NFILZ: variants seen among roughly 807,000 people sequenced by gnomAD.
NFILZ encodes NFIL3 like protein.
At chr19:8,631,547 A>G (rs560805451) in intron 1 of NFILZ, among the ~76,000 whole-genome samples, 5 of 152,160 alleles carry the variant, frequency 3.3e-5, no homozygotes, top group African/African-American at 1.2e-4. Flanking sequence ...GGATTAGCTC[A>G]GTAGACAAAC....
intron 3 of NFILZ, among the ~76,000 whole-genome samples, chr19:8,639,712 T>G (rs1394238737): frequency 1.3e-5 from 2 of 152,122 alleles, no homozygotes; most frequent in South Asian, 2.1e-4. Flanking sequence ...CTGAAGGAGT[T>G]GTTGGAAGGA....
intron 1 of NFILZ, among the ~76,000 whole-genome samples, chr19:8,630,970 A>T (rs1555745465): frequency 6.6e-6 from 1 of 152,098 alleles, no homozygotes; most frequent in African/African-American, 2.4e-5. Context: ...GTTGCATGGA[A>T]CTGCGGCCAA....
intron 3 of NFILZ, among the ~76,000 whole-genome samples, chr19:8,637,105 C>T (rs1437420695): frequency 6.6e-6 from 1 of 152,114 alleles, no homozygotes; most frequent in Non-Finnish European, 1.5e-5. Context: ...TGTGGTGGCT[C>T]ATACCTGTAG....
chr19:8,661,063 TTCCCCCTCCCTC>T (rs2146160998), intron 3 of NFILZ, among the ~76,000 whole-genome samples: 3 of 71,292 alleles, frequency 4.2e-5, no homozygotes, highest in African/African-American at 1.6e-4. Context: ...CCTCCCTTCC[TTCCCCCTCCCTC>T]CCTTCCTTCC....
chr19:8,659,633 A>G (rs1411493143), intron 3 of NFILZ, among the ~76,000 whole-genome samples: 1 of 152,208 alleles, frequency 6.6e-6, no homozygotes. Flanking sequence ...TATGCATGGT[A>G]AAAAGATCCC....
chr19:8,641,111 T>C (rs1179662819), intron 3 of NFILZ, among the ~76,000 whole-genome samples: 2 of 152,204 alleles, frequency 1.3e-5, no homozygotes, highest in African/African-American at 4.8e-5. Flanking sequence ...CCAATGTTTC[T>C]TTCTCACGGC....
intron 3 of NFILZ, among the ~76,000 whole-genome samples, chr19:8,643,382 T>C (rs1366163760): frequency 6.6e-6 from 1 of 152,150 alleles, no homozygotes; most frequent in Non-Finnish European, 1.5e-5. Context: ...CTCTATGGGA[T>C]GTGATGGTTA....
chr19:8,648,016 CA>C (rs1318194204), intron 3 of NFILZ, among the ~76,000 whole-genome samples: 1 of 150,184 alleles, frequency 6.7e-6, no homozygotes, highest in African/African-American at 2.4e-5. Context: ...ACTAAAAATA[CA>C]AAAAAAATTA....
chr19:8,638,210 C>T (rs1167377287), intron 3 of NFILZ, among the ~76,000 whole-genome samples: 1 of 152,172 alleles, frequency 6.6e-6, no homozygotes, highest in Non-Finnish European at 1.5e-5. Flanking sequence ...CCGCGGTAAA[C>T]GCTAAGCCAG....
Position 8,677,779 on chromosome 19 carries a change from C to T in NFILZ, c.*144C>T, listed in dbSNP as rs2146176341. Among the ~76,000 whole-genome samples, 1 of 152,206 alleles carries T rather than the reference C, an allele frequency of 6.6e-6. No homozygotes were observed. On this transcript the variant is annotated 3_prime_UTR_variant, in exon 6 of 6. Coordinates refer to ENST00000691075, the MANE Select transcript of NFILZ (RefSeq NM_001378600.1). Reference sequence around the variant, plus strand: ...GGGGTGCCCTGGCTTGGAAGGTCCACTTCACAGCTTCCATACCAGACCTCC... The same window carrying T: ...GGGGTGCCCTGGCTTGGAAGGTCCATTTCACAGCTTCCATACCAGACCTCC...
At chr19:8,655,542 G>A (rs1555748242) in intron 3 of NFILZ, among the ~76,000 whole-genome samples, 1 of 152,172 alleles carries the variant, frequency 6.6e-6, no homozygotes, top group Non-Finnish European at 1.5e-5. Flanking sequence ...CTTTACGGAA[G>A]CGCCGGTGAC....
rs1225966135 is a variant in NFILZ at position 8,674,594 on chromosome 19, G to T, written c.-120G>T. 6.6e-6 allele frequency among the ~76,000 whole-genome samples: 1 copy of T among 151,344 alleles called. No individual in the cohort carries two copies. Among genetic ancestry groups the T allele is most frequent in the Non-Finnish European group, 1.5e-5 (1 of 67,976 alleles). On this transcript the variant is annotated 5_prime_UTR_variant, in exon 4 of 6. Transcript: ENST00000691075. Reference sequence around the variant, plus strand: ...ATGTACTTTGTGATTCTCCTATAAGGAATAAGGTATGCAATATTTCTCAAA... The same window carrying T: ...ATGTACTTTGTGATTCTCCTATAAGTAATAAGGTATGCAATATTTCTCAAA...
At chr19:8,633,889 T>C (rs1003349481) in intron 2 of NFILZ, among the ~76,000 whole-genome samples, 1 of 104,548 alleles carries the variant, frequency 9.6e-6, no homozygotes, top group Admixed American at 1.0e-4. Flanking sequence ...CTTCCTTCCT[T>C]CCTTCCTTCC....
intron 3 of NFILZ, among the ~76,000 whole-genome samples, chr19:8,636,593 C>T (rs952108855): frequency 2.6e-5 from 4 of 151,092 alleles, no homozygotes; most frequent in African/African-American, 9.7e-5. Flanking sequence ...TACAGGCATG[C>T]ACCATCATGC....
chr19:8,642,287 G>A (rs542597099), intron 3 of NFILZ, among the ~76,000 whole-genome samples: 10 of 152,082 alleles, frequency 6.6e-5, no homozygotes, highest in Non-Finnish European at 1.2e-4. Context: ...AGTAGGGTTT[G>A]CAGCACTGAA....
At chr19:8,640,422 A>G (rs2042914449) in intron 3 of NFILZ, among the ~76,000 whole-genome samples, 1 of 149,652 alleles carries the variant, frequency 6.7e-6, no homozygotes, top group Non-Finnish European at 1.5e-5. Flanking sequence ...GTTGCATAAC[A>G]CAGCATAGAG....
chr19:8,636,443 A>T (rs1303217472), intron 3 of NFILZ, among the ~76,000 whole-genome samples: 1 of 59,190 alleles, frequency 1.7e-5, no homozygotes, highest in Non-Finnish European at 3.4e-5. Context: ...GCGAGACTCC[A>T]TCTTTTTTTT....
At chr19:8,634,339 C>T (rs967970368) in intron 2 of NFILZ, among the ~76,000 whole-genome samples, 2 of 151,944 alleles carry the variant, frequency 1.3e-5, no homozygotes, top group Non-Finnish European at 2.9e-5. Flanking sequence ...CTCTGTTGCC[C>T]AGGCTGGATT....
intron 3 of NFILZ, among the ~76,000 whole-genome samples, chr19:8,654,707 A>G (rs2042984630): frequency 6.6e-6 from 1 of 152,200 alleles, no homozygotes; most frequent in Non-Finnish European, 1.5e-5. Context: ...CCAATGAAGG[A>G]GGGTGCAGTT....
Sources: allele counts gnomAD v4.1 joint callset (sites outside exome capture counted in the v4.1 genomes callset), GRCh38; gene constraint gnomAD v4.1.1; transcripts MANE v1.5; gene names NCBI Gene and HGNC (gene_info 2026-07-23, HGNC 2026-07-21).